SYNJ2: variants seen among roughly 807,000 people sequenced by gnomAD.
SYNJ2 encodes polyphosphatidylinositol phosphatase SYNJ2.
A neutral mutation model predicts 141.3 loss-of-function variants in SYNJ2; 116 were observed. The ratio of observed to expected loss-of-function variants is 0.82; its 90% confidence interval spans 0.71 to 0.96. The LOEUF is 0.96. Ranked by LOEUF, SYNJ2 falls within the 40% of genes least tolerant of loss-of-function variation. SYNJ2 has a pLI of 0.00. For synonymous variants in SYNJ2, 745 were observed against 777.7 expected (o/e 0.96, Z 0.70); for missense variants, 1,873 against 1,934.8 (o/e 0.97, Z 0.60).
chr6:158,007,335 G>A (rs1778110915), intron 1 of SYNJ2, among the ~76,000 whole-genome samples: 1 of 152,146 alleles, frequency 6.6e-6, no homozygotes, highest in South Asian at 2.1e-4. Context: ...TTCTCTGCTG[G>A]ACTCCAGACT....
intron 16 of SYNJ2, 101 bp from the exon 17 acceptor site, chr6:158,076,525 C>G: frequency 8.2e-6 from 11 of 1,340,982 alleles, no homozygotes; most frequent in Non-Finnish European, 1.1e-5. Context: ...GCTTCTGTTA[C>G]TTTTTAAGAA....
At chr6:157,991,491 G>T (rs910705239) in intron 1 of SYNJ2, among the ~76,000 whole-genome samples, 2 of 152,286 alleles carry the variant, frequency 1.3e-5, no homozygotes, top group East Asian at 3.9e-4. Flanking sequence ...CCTAGCCCTG[G>T]CTCCTTAGGC....
intron 9 of SYNJ2, 132 bp from the exon 10 acceptor site, chr6:158,064,469 T>A: frequency 8.7e-7 from 1 of 1,147,254 alleles, no homozygotes; most frequent in South Asian, 1.5e-5. Flanking sequence ...GAACTCCTCA[T>A]CCTCTGGAGG....
At chr6:158,007,998 C>T (rs1778135601) in intron 1 of SYNJ2, among the ~76,000 whole-genome samples, 2 of 152,224 alleles carry the variant, frequency 1.3e-5, no homozygotes, top group East Asian at 1.9e-4. Flanking sequence ...CACTGTGTTG[C>T]CCAGTCTTGT....
At chr6:158,056,305 C>G (rs919642977) in intron 6 of SYNJ2, among the ~76,000 whole-genome samples, 30 of 152,212 alleles carry the variant, frequency 2.0e-4, no homozygotes, top group African/African-American at 7.0e-4. Context: ...AGACCTCTCT[C>G]TCCTCACAAG....
intron 5 of SYNJ2, among the ~76,000 whole-genome samples, chr6:158,045,190 A>G (rs1485701964): frequency 6.9e-6 from 1 of 144,988 alleles, no homozygotes; most frequent in Admixed American, 7.3e-5. Context: ...TCACTGCAAC[A>G]TCTGCCCCCC....
intron 5 of SYNJ2, 147 bp from the exon 6 acceptor site, chr6:158,054,820 C>T (rs1780776171): frequency 1.4e-6 from 1 of 721,542 alleles, no homozygotes; most frequent in Non-Finnish European, 2.3e-6. Context: ...AGAGCTCAGC[C>T]TTCCTGAGCC....
rs1554236815 is a variant in SYNJ2, at chr6:158,029,042, C to CCCTGCAGAGGGTGGGCCCTGGATCT, written c.485+37_485+38insATCTCCTGCAGAGGGTGGGCCCTGG. On this transcript the variant is annotated intron_variant, in intron 3 of 26. Coordinates refer to ENST00000355585, the MANE Select transcript of SYNJ2 (RefSeq NM_003898.4). ...CCTTCTTCTGGTGAGGCCCTGGGTCCCCTGCAGAGGGTGGGCCCTGGGTCT... is the reference window on the plus strand; with the variant it reads ...CCTTCTTCTGGTGAGGCCCTGGGTCCCCTGCAGAGGGTGGGCCCTGGATCTCCTGCAGAGGGTGGGCCCTGGGTCT... 4 of 1,560,660 alleles carry CCCTGCAGAGGGTGGGCCCTGGATCT rather than the reference C, an allele frequency of 2.6e-6. No individual in the cohort carries two copies. Among genetic ancestry groups the CCCTGCAGAGGGTGGGCCCTGGATCT allele is most frequent in the Non-Finnish European group, 3.5e-6 (4 of 1,151,792 alleles).
At chr6:158,004,516 C>G (rs534452301) in intron 1 of SYNJ2, among the ~76,000 whole-genome samples, 6 of 152,196 alleles carry the variant, frequency 3.9e-5, no homozygotes, top group Non-Finnish European at 5.9e-5. Context: ...GGGAAGAACC[C>G]TCAGTTCCTG....
intron 17 of SYNJ2, 22 bp from the exon 18 acceptor site, chr6:158,078,142 C>A (rs755710064): frequency 7.3e-6 from 11 of 1,507,974 alleles, no homozygotes; most frequent in Non-Finnish European, 1.0e-5. Context: ...ATGGGTCTCT[C>A]GAATGGAACC....
chr6:158,065,302 C>G (rs1015070910), intron 11 of SYNJ2, among the ~76,000 whole-genome samples: 1 of 152,216 alleles, frequency 6.6e-6, no homozygotes, highest in Admixed American at 6.5e-5. Flanking sequence ...CTAACCTACT[C>G]CAGAAACTTC....
intron 1 of SYNJ2, among the ~76,000 whole-genome samples, chr6:157,995,011 T>C (rs569732684): frequency 1.3e-5 from 2 of 152,188 alleles, no homozygotes; most frequent in African/African-American, 4.8e-5. Flanking sequence ...AGAAGCTATA[T>C]GGGCCCCAGA....
intron 2 of SYNJ2, among the ~76,000 whole-genome samples, chr6:158,023,399 G>T (rs958025636): frequency 4.6e-5 from 7 of 152,152 alleles, no homozygotes; most frequent in Non-Finnish European, 1.0e-4. Context: ...ATCAGTGCTG[G>T]GTCAGGTAGG....
rs199811633 is a variant in SYNJ2, at chr6:158,063,897, G to A, written c.1209+25G>A. The stretch of plus-strand genomic sequence containing the variant: ...GGTGCGTCCCTGCCACAGCCTTTTC[G>A]GCCATCTGTGCCAGGTCCTGTGACT... On this transcript the variant is annotated intron_variant, in intron 9 of 26. Transcript: ENST00000355585. The A allele has an allele frequency of 4.0e-5, 64 of 1,611,924 alleles. No individual in the cohort carries two copies. The African/African-American group carries it at 4.4e-4, about 11-fold the overall frequency.
intron 2 of SYNJ2, among the ~76,000 whole-genome samples, chr6:158,022,465 G>A (rs544543130): frequency 5.2e-4 from 79 of 152,230 alleles, no homozygotes; most frequent in African/African-American, 1.8e-3. Context: ...ACTGGCTCTT[G>A]CCTCCCTCCA....
Position 158,081,096 on chromosome 6 carries a change from G to T in SYNJ2, c.2568-13G>T. On this transcript the variant is annotated splice_polypyrimidine_tract_variant and intron_variant, in intron 18 of 26. Coordinates refer to ENST00000355585, the MANE Select transcript of SYNJ2 (RefSeq NM_003898.4). ...CCAGGCTAACTGTCATCCCTCTTTT[G>T]TTCCTAACGCAGACCTGTGCTGGCG... 1.2e-6 allele frequency: 2 copies of T among 1,613,014 alleles called. No homozygotes were observed. Among genetic ancestry groups the T allele is most frequent in the South Asian group, 1.1e-5 (1 of 91,030 alleles).
chr6:158,095,710 A>G lies in SYNJ2; in HGVS notation c.3837A>G (p.Thr1279=), dbSNP rs745985526. The G allele has an allele frequency of 1.6e-5, 26 of 1,614,072 alleles. No individual in the cohort carries two copies. In the South Asian group the frequency reaches 2.4e-4, roughly 15 times the overall value. The part of the protein sequence containing the change: ...ETSVEAPPVV[T]APRVPPVPKP... Reference sequence around the variant, plus strand: ...GCGTTGAGGCCCCTCCTGTCGTGACAGCCCCTCGAGTCCCTCCTGTTCCCA... The same window carrying G: ...GCGTTGAGGCCCCTCCTGTCGTGACGGCCCCTCGAGTCCCTCCTGTTCCCA... The change falls in exon 27 of 27, where the codon ACA becomes ACG. Residue 1279 remains threonine (T), a synonymous_variant. Coordinates refer to ENST00000355585, the MANE Select transcript of SYNJ2 (RefSeq NM_003898.4).
At chr6:158,025,241 C>T (rs972532984) in intron 2 of SYNJ2, among the ~76,000 whole-genome samples, 4 of 152,196 alleles carry the variant, frequency 2.6e-5, no homozygotes, top group Non-Finnish European at 5.9e-5. Context: ...TTCATGAGGG[C>T]TCCACTGCCA....
chr6:158,084,002 G>A lies in SYNJ2; in HGVS notation c.3036G>A (p.Gly1012=). The A allele has an allele frequency of 1.2e-6, 2 of 1,614,012 alleles. No individual in the cohort carries two copies. The highest frequency in any genetic ancestry group is 1.7e-6 in the Non-Finnish European group (2 of 1,179,982). ...DFTSLDYESE[G]DILEDDEDYL... is the part of the protein sequence containing the mutation. ...TTGTGATTCATTTCCTTCTCCCAGG[G>A]GATATTCTTGAAGACGATGAAGACT... is the stretch of plus-strand genomic sequence containing the variant. Residue 1012 remains glycine (G), a splice_region_variant and synonymous_variant, in exon 22 of 27, where the codon GGG becomes GGA. Transcript: ENST00000355585. This position sits in a 1 kb window ranked among gnomAD's most constrained non-coding sequence, Gnocchi z 5.0.
Sources: gnomAD v4.1 joint callset for allele counts (sites outside exome capture counted in the v4.1 genomes callset) on GRCh38, gnomAD v4.1.1 for gene constraint, Gnocchi (gnomAD v3.1) non-coding constraint, MANE v1.5 for transcripts, NCBI Gene and HGNC (gene_info 2026-07-23, HGNC 2026-07-21) for gene names.